GRIN2B: variants seen among roughly 807,000 people sequenced by gnomAD.
The protein encoded by GRIN2B is glutamate ionotropic receptor NMDA type subunit 2B, also known as glutamate receptor ionotropic, NMDA 2B.
A neutral mutation model predicts 114.5 loss-of-function variants in GRIN2B; 5 were observed. That is an observed-to-expected ratio of 0.04 (90% CI 0.02 to 0.09). The LOEUF (loss-of-function observed/expected upper bound fraction) is 0.09. Among genes scored for constraint, GRIN2B ranks in the 10% least tolerant of loss-of-function variants. The pLI, the probability that GRIN2B is intolerant of heterozygous loss-of-function variation, is 1.00. For missense variants in GRIN2B, 1,108 were observed against 1,943.5 expected, an observed-to-expected ratio of 0.57 and a Z score of 8.08; for synonymous variants, 787 against 745.1, an observed-to-expected ratio of 1.06 and a Z score of -0.92.
At chr12:13,566,672 A>C (rs924396223) in intron 13 of GRIN2B, among the ~76,000 whole-genome samples, 1 of 152,276 alleles carries the variant, frequency 6.6e-6, no homozygotes, top group African/African-American at 2.4e-5. Flanking sequence ...AGAAATGTAC[A>C]TTTTTAAAGG....
chr12:13,577,849 A>G (rs1948797859), intron 10 of GRIN2B, among the ~76,000 whole-genome samples: 1 of 152,218 alleles, frequency 6.6e-6, no homozygotes, highest in Non-Finnish European at 1.5e-5. Flanking sequence ...CATTACAGAG[A>G]GTCAGAAACA....
intron 2 of GRIN2B, among the ~76,000 whole-genome samples, chr12:13,900,573 G>A (rs530725320): frequency 1.1e-4 from 17 of 151,938 alleles, no homozygotes; most frequent in South Asian, 4.2e-4. Flanking sequence ...ATCCATAAGC[G>A]TCCAAAAATG....
intron 8 of GRIN2B, among the ~76,000 whole-genome samples, chr12:13,614,871 T>G (rs1247931061): frequency 6.6e-6 from 1 of 152,204 alleles, no homozygotes; most frequent in Non-Finnish European, 1.5e-5. Context: ...GTAAGCCCTC[T>G]GAGGACCAGC....
intron 2 of GRIN2B, among the ~76,000 whole-genome samples, chr12:13,875,519 C>CT (rs1302841093): frequency 2.0e-5 from 3 of 152,094 alleles, no homozygotes; most frequent in African/African-American, 7.2e-5. Context: ...GAGCAAGACT[C>CT]TGTCTCAAAA....
intron 2 of GRIN2B, among the ~76,000 whole-genome samples, chr12:13,874,065 C>T (rs1265591246): frequency 6.6e-6 from 1 of 152,134 alleles, no homozygotes; most frequent in Non-Finnish European, 1.5e-5. Context: ...CCATCCTAAG[C>T]CCCCCAGCTC....
rs1368929634 is a variant in GRIN2B, at chr12:13,543,861, A to G, written c.*18922T>C. ...ACTTGCATCTGTGCCCAAATGCACT[A>G]TCTCCCTGCTATTAATACAAACAAA... On this transcript the variant is annotated 3_prime_UTR_variant, in exon 14 of 14. Transcript: ENST00000609686. 1 of 152,148 alleles carries G rather than the reference A, an allele frequency of 6.6e-6. No individual in the cohort carries two copies. The highest frequency in any genetic ancestry group is 1.5e-5 in the Non-Finnish European group (1 of 68,038). The allele number at this position is 152,148 out of a possible 1,614,324, so 9.4% of individuals were successfully genotyped here.
chr12:13,681,862 G>C (rs1396679150), intron 4 of GRIN2B, among the ~76,000 whole-genome samples: 1 of 152,024 alleles, frequency 6.6e-6, no homozygotes, highest in African/African-American at 2.4e-5. Flanking sequence ...ATTAGCTGCT[G>C]TTATTACTCT....
intron 2 of GRIN2B, among the ~76,000 whole-genome samples, chr12:13,974,507 C>T (rs571968056): frequency 6.6e-5 from 10 of 152,256 alleles, no homozygotes; most frequent in East Asian, 1.9e-4. Context: ...CAAGGAAGAG[C>T]GGGAGGCTTG....
At chr12:13,670,557 C>G (rs1950014241) in intron 5 of GRIN2B, among the ~76,000 whole-genome samples, 1 of 152,114 alleles carries the variant, frequency 6.6e-6, no homozygotes, top group South Asian at 2.1e-4. Flanking sequence ...AGCAATGAAG[C>G]AAATCATGAG....
At chr12:13,730,026 A>G (rs1015504402) in intron 4 of GRIN2B, among the ~76,000 whole-genome samples, 1 of 150,854 alleles carries the variant, frequency 6.6e-6, no homozygotes, top group African/African-American at 2.4e-5. Context: ...CCCCATTCCA[A>G]CATCAGTAAA....
At chr12:13,778,143 T>G (rs1864040435) in intron 3 of GRIN2B, among the ~76,000 whole-genome samples, 3 of 152,216 alleles carry the variant, frequency 2.0e-5, no homozygotes, top group Admixed American at 2.0e-4. Flanking sequence ...GACCCGCTCC[T>G]TTCTTCCTCA....
intron 4 of GRIN2B, among the ~76,000 whole-genome samples, chr12:13,746,438 G>T (rs1863385069): frequency 1.3e-5 from 2 of 152,048 alleles, no homozygotes; most frequent in Non-Finnish European, 2.9e-5. Context: ...ACCTTCTCGG[G>T]TTTGCTTCTG....
chr12:13,754,430 G>A (rs1490768809), intron 3 of GRIN2B, among the ~76,000 whole-genome samples: 2 of 152,184 alleles, frequency 1.3e-5, no homozygotes. Flanking sequence ...CTCAGTCACA[G>A]AGTGCATAAT....
rs984524769 is a variant in GRIN2B at position 13,562,641 on chromosome 12, A to C, written c.*142T>G. 1 of 759,478 alleles carries C rather than the reference A, an allele frequency of 1.3e-6. No individual in the cohort carries two copies. Among genetic ancestry groups the C allele is most frequent in the African/African-American group, 1.7e-5 (1 of 57,784 alleles). 47.0% of individuals were successfully genotyped at this position (759,478 alleles called of 1,614,324 possible). On this transcript the variant is annotated 3_prime_UTR_variant, in exon 14 of 14. Coordinates refer to ENST00000609686, the MANE Select transcript of GRIN2B (RefSeq NM_000834.5). ...AGGGTTGCCCCCAGTAGGAACCAGA[A>C]CTCCAGGATCCCATAAATAAATTAA...
At chr12:13,944,510 G>C (rs558746213) in intron 2 of GRIN2B, among the ~76,000 whole-genome samples, 5 of 152,330 alleles carry the variant, frequency 3.3e-5, no homozygotes, top group Non-Finnish European at 5.9e-5. Flanking sequence ...CACATACAGA[G>C]AGACACTTAC....
intron 4 of GRIN2B, among the ~76,000 whole-genome samples, chr12:13,738,344 A>G (rs1344212167): frequency 6.6e-6 from 1 of 152,224 alleles, no homozygotes; most frequent in Non-Finnish European, 1.5e-5. Context: ...CGACACATCA[A>G]ATTTGAAACT....
At chr12:13,838,358 T>C (rs1865315026) in intron 3 of GRIN2B, among the ~76,000 whole-genome samples, 1 of 152,170 alleles carries the variant, frequency 6.6e-6, no homozygotes, top group African/African-American at 2.4e-5. Flanking sequence ...TCTAAATCCA[T>C]TTGATCCTGA....
At chr12:13,738,266 C>T (rs1565519117) in intron 4 of GRIN2B, among the ~76,000 whole-genome samples, 1 of 152,190 alleles carries the variant, frequency 6.6e-6, no homozygotes, top group East Asian at 1.9e-4. Context: ...GTGCTAATAA[C>T]TTTCATTTTT....
chr12:13,967,019 A>G (rs1867800020), intron 2 of GRIN2B, among the ~76,000 whole-genome samples: 1 of 152,198 alleles, frequency 6.6e-6, no homozygotes, highest in Non-Finnish European at 1.5e-5. Flanking sequence ...AGAAGACAGT[A>G]GCAGGGAAAA....
Sources: gnomAD v4.1 joint callset for allele counts (sites outside exome capture counted in the v4.1 genomes callset) on GRCh38, gnomAD v4.1.1 for gene constraint, MANE v1.5 for transcripts, NCBI Gene and HGNC (gene_info 2026-07-23, HGNC 2026-07-21) for gene names.